Variants in SGK3 observed in about 807,000 individuals in gnomAD.
SGK3 encodes the protein serum/glucocorticoid regulated kinase family member 3.
Under a neutral mutation model 68.5 loss-of-function variants are expected in SGK3, and 47 were observed. The observed-to-expected ratio is 0.69, with a 90% confidence interval of 0.54 to 0.87. SGK3 has a LOEUF of 0.87. Ranked by LOEUF, SGK3 falls within the 40% of genes least tolerant of loss-of-function variation. The pLI is 0.00. For missense variants in SGK3, 479 were observed against 575.5 expected (o/e 0.83, Z 1.72); for synonymous variants, 181 against 189.1 (o/e 0.96, Z 0.35).
chr8:66,814,001 ATT>A (rs1320137314), intron 5 of SGK3, 73 bp downstream of exon 5: 1 of 1,312,006 alleles, frequency 7.6e-7, no homozygotes, highest in Non-Finnish European at 1.0e-6. Context: ...CCTTATATAA[ATT>A]TTGTTTGTTC....
chr8:66,823,067 T>C (rs959200272), intron 6 of SGK3, among the ~76,000 whole-genome samples: 1 of 152,212 alleles, frequency 6.6e-6, no homozygotes, highest in African/African-American at 2.4e-5. Flanking sequence ...TTTAACATCC[T>C]GGTGATTTTC....
intron 1 of SGK3, among the ~76,000 whole-genome samples, chr8:66,729,761 T>C (rs959216913): frequency 2.0e-5 from 3 of 151,692 alleles, no homozygotes; most frequent in Non-Finnish European, 4.4e-5. Flanking sequence ...ATTTATTTAT[T>C]GAGACAGAGT....
intron 16 of SGK3, among the ~76,000 whole-genome samples, chr8:66,859,128 C>G (rs571944829): frequency 5.3e-5 from 8 of 152,104 alleles, no homozygotes; most frequent in South Asian, 2.1e-4. Flanking sequence ...GTCAGGAGTT[C>G]GAGACCAGCC....
At chr8:66,821,714 A>G (rs1808836154) in intron 5 of SGK3, among the ~76,000 whole-genome samples, 1 of 119,618 alleles carries the variant, frequency 8.4e-6, no homozygotes, top group Admixed American at 9.8e-5. Flanking sequence ...TTTACTGGAG[A>G]CGGGGTTTCA....
chr8:66,744,483 GTATATA>G (rs869176585), intron 1 of SGK3, among the ~76,000 whole-genome samples: 3,304 of 39,904 alleles, frequency 0.083, 249 homozygotes, highest in Middle Eastern at 0.14. Flanking sequence ...GTGTGTGTGT[GTATATA>G]TATATATATA....
chr8:66,781,406 T>C (rs1056479596), intron 1 of SGK3, among the ~76,000 whole-genome samples: 8 of 152,198 alleles, frequency 5.3e-5, no homozygotes, highest in African/African-American at 1.9e-4. Context: ...GGGAGTACAT[T>C]GGTGCAATCA....
chr8:66,725,337 G>A (rs1018016447), intron 1 of SGK3, among the ~76,000 whole-genome samples: 2 of 152,046 alleles, frequency 1.3e-5, no homozygotes, highest in African/African-American at 2.4e-5. Flanking sequence ...AGGAGATGGA[G>A]GTTGTAGTGA....
Position 66,847,231 on chromosome 8 carries a change from C to CA in SGK3, c.1115dup (p.Asn372LysfsTer41), listed in dbSNP as rs1242048081. The CA allele has an allele frequency of 4.3e-6, 7 of 1,611,228 alleles. No homozygotes were observed. The highest frequency in any genetic ancestry group is 5.9e-6 in the Non-Finnish European group (7 of 1,179,036). ...GCCGAGATGTTGCTGAAATGTATGACAATATCCTTCACAAACCCCTAAGTT... is the reference window on the plus strand; with the variant it reads ...GCCGAGATGTTGCTGAAATGTATGACAAATATCCTTCACAAACCCCTAAGTT... On this transcript the variant is annotated frameshift_variant, in exon 15 of 17. Transcript: ENST00000521198. LOFTEE classifies it high-confidence loss of function.
At chr8:66,825,093 C>T (rs1470878082) in intron 6 of SGK3, among the ~76,000 whole-genome samples, 3 of 152,108 alleles carry the variant, frequency 2.0e-5, no homozygotes, top group Admixed American at 6.6e-5. Flanking sequence ...GCCTATCTTG[C>T]CTTGCAGTGG....
chr8:66,740,980 A>G (rs1302503683), intron 1 of SGK3, among the ~76,000 whole-genome samples: 5 of 151,588 alleles, frequency 3.3e-5, no homozygotes, highest in African/African-American at 1.2e-4. Context: ...TCCATCCTGC[A>G]TACCAGAAGA....
chr8:66,814,929 A>G (rs917616045), intron 5 of SGK3, among the ~76,000 whole-genome samples: 1 of 152,236 alleles, frequency 6.6e-6, no homozygotes, highest in Non-Finnish European at 1.5e-5. Flanking sequence ...ACTTGTATGT[A>G]TAAAGTATTC....
chr8:66,728,968 C>G (rs1394138278), intron 1 of SGK3, among the ~76,000 whole-genome samples: 3 of 151,812 alleles, frequency 2.0e-5, no homozygotes, highest in Non-Finnish European at 2.9e-5. Context: ...GCCTGTAATC[C>G]CAGCACTTTG....
At chr8:66,783,642 C>T (rs1807082074) in intron 1 of SGK3, among the ~76,000 whole-genome samples, 1 of 152,158 alleles carries the variant, frequency 6.6e-6, no homozygotes, top group South Asian at 2.1e-4. Flanking sequence ...CTCAGCCTCC[C>T]GAGTAGCTGA....
chr8:66,779,497 T>G (rs1806861653), intron 1 of SGK3, among the ~76,000 whole-genome samples: 1 of 146,420 alleles, frequency 6.8e-6, no homozygotes, highest in Admixed American at 7.0e-5. Context: ...GTTCCTAGAA[T>G]GAAGCAGCAG....
chr8:66,809,460 G>T (rs1197173443), intron 4 of SGK3, among the ~76,000 whole-genome samples: 1 of 152,068 alleles, frequency 6.6e-6, no homozygotes, highest in Non-Finnish European at 1.5e-5. Flanking sequence ...ACTGAGCAAA[G>T]ATTAGACAGA....
chr8:66,757,722 C>T (rs1485286975), intron 1 of SGK3, among the ~76,000 whole-genome samples: 1 of 151,180 alleles, frequency 6.6e-6, no homozygotes, highest in Non-Finnish European at 1.5e-5. Flanking sequence ...TGAGACCAGC[C>T]TGGCCAACAT....
chr8:66,803,983 C>G (rs999788677), intron 3 of SGK3, among the ~76,000 whole-genome samples: 1 of 152,272 alleles, frequency 6.6e-6, no homozygotes, highest in Middle Eastern at 3.4e-3. Context: ...CATATCTTCT[C>G]CTAAGATAAT....
At chr8:66,771,328 C>A (rs1297604251) in intron 1 of SGK3, among the ~76,000 whole-genome samples, 1 of 152,204 alleles carries the variant, frequency 6.6e-6, no homozygotes, top group Non-Finnish European at 1.5e-5. Context: ...TTGGGACAGA[C>A]TTCAGAACTC....
intron 5 of SGK3, among the ~76,000 whole-genome samples, chr8:66,820,158 A>G (rs1808752047): frequency 6.6e-6 from 1 of 152,076 alleles, no homozygotes. Flanking sequence ...AACCATCATC[A>G]CTAATTCTAT....
Sources: allele counts gnomAD v4.1 joint callset (sites outside exome capture counted in the v4.1 genomes callset), GRCh38; gene constraint gnomAD v4.1.1; transcripts MANE v1.5; gene names NCBI Gene and HGNC (gene_info 2026-07-23, HGNC 2026-07-21).